Variants in SGCZ observed in about 807,000 individuals in gnomAD.
The protein encoded by SGCZ is zeta-sarcoglycan.
In SGCZ, 40 loss-of-function variants were observed where a neutral mutation model predicts 41.3. The ratio of observed to expected loss-of-function variants is 0.97; its 90% CI spans 0.75 to 1.26. The LOEUF (loss-of-function observed/expected upper bound fraction) is 1.26. Among genes scored for constraint, SGCZ ranks in the 50% most tolerant of loss-of-function variants. The pLI, the probability that SGCZ is intolerant of heterozygous loss-of-function variation, is 0.00. For synonymous variants in SGCZ, 206 were observed against 137.5 expected (o/e 1.50, Z -3.49); for missense variants, 552 against 369.8 (o/e 1.49, Z -4.04).
chr8:14,615,358 G>A (rs187928618), intron 1 of SGCZ, among the ~76,000 whole-genome samples: 2 of 152,298 alleles, frequency 1.3e-5, no homozygotes, highest in South Asian at 4.1e-4. Context: ...AGCCACTCAG[G>A]TGATTTCTCT....
intron 1 of SGCZ, among the ~76,000 whole-genome samples, chr8:14,754,254 T>C (rs1047069411): frequency 7.9e-5 from 12 of 152,312 alleles, no homozygotes; most frequent in Admixed American, 7.2e-4. Context: ...CATGTTCTAC[T>C]ATTTGAAACC....
chr8:14,525,306 G>A (rs576012762), intron 2 of SGCZ, among the ~76,000 whole-genome samples: 2 of 152,166 alleles, frequency 1.3e-5, no homozygotes, highest in East Asian at 3.9e-4. Flanking sequence ...CCTGCTCTTT[G>A]AGATAGATAT....
chr8:14,480,025 G>C (rs1039384626), intron 2 of SGCZ, among the ~76,000 whole-genome samples: 1 of 152,180 alleles, frequency 6.6e-6, no homozygotes, highest in South Asian at 2.1e-4. Context: ...GATTACGGGC[G>C]TGAGCCACGC....
At chr8:14,539,603 T>C (rs1311243287) in intron 2 of SGCZ, among the ~76,000 whole-genome samples, 1 of 151,942 alleles carries the variant, frequency 6.6e-6, no homozygotes, top group African/African-American at 2.4e-5. Flanking sequence ...ATAGGTAAAC[T>C]TGTGTCATGG....
intron 2 of SGCZ, among the ~76,000 whole-genome samples, chr8:14,410,245 A>C (rs1799322936): frequency 6.6e-6 from 1 of 152,076 alleles, no homozygotes; most frequent in Non-Finnish European, 1.5e-5. Flanking sequence ...TGCCTGTGGA[A>C]AACTGTCTTC....
At chr8:14,832,973 A>G (rs1445343209) in intron 1 of SGCZ, among the ~76,000 whole-genome samples, 1 of 152,090 alleles carries the variant, frequency 6.6e-6, no homozygotes, top group African/African-American at 2.4e-5. Context: ...ATTTCTATAT[A>G]TTTTTAATAG....
At chr8:14,251,170 G>A (rs778653876) in intron 3 of SGCZ, among the ~76,000 whole-genome samples, 9 of 152,078 alleles carry the variant, frequency 5.9e-5, no homozygotes, top group African/African-American at 1.9e-4. Context: ...AGAGGTTGTG[G>A]TGAGCAGAGA....
chr8:14,515,522 T>G (rs1802595226), intron 2 of SGCZ, among the ~76,000 whole-genome samples: 1 of 152,104 alleles, frequency 6.6e-6, no homozygotes, highest in Admixed American at 6.6e-5. Flanking sequence ...AGTACCTTAT[T>G]TCTTTCACAA....
At chr8:15,230,135 G>A (rs1199894465) in intron 1 of SGCZ, among the ~76,000 whole-genome samples, 4 of 150,880 alleles carry the variant, frequency 2.7e-5, no homozygotes, top group African/African-American at 4.9e-5. Flanking sequence ...ATCAACCAAC[G>A]GTAATTTGAC....
Position 15,012,164 on chromosome 8 carries a change from T to C in SGCZ, c.39+225421A>G, listed in dbSNP as rs763943731. ...TTTATTAATCCAACAGGTGAAGGTA[T>C]AAAATAAATATTTTATTGCTGGGCA... On this transcript the variant is annotated intron_variant, in intron 1 of 7. Coordinates refer to ENST00000382080, the MANE Select transcript of SGCZ (RefSeq NM_139167.4). 1.4e-4 allele frequency among the ~76,000 whole-genome samples: 22 copies of C among 152,220 alleles called. No individual in the cohort carries two copies. The Middle Eastern group carries it at 0.014, about 94-fold the overall frequency.
chr8:14,325,031 G>C (rs1160565003), intron 2 of SGCZ, among the ~76,000 whole-genome samples: 3 of 152,124 alleles, frequency 2.0e-5, no homozygotes, highest in African/African-American at 7.2e-5. Context: ...GCAATGGAGA[G>C]TACATTTTGG....
At chr8:15,003,380 G>C (rs894235750) in intron 1 of SGCZ, among the ~76,000 whole-genome samples, 1 of 152,056 alleles carries the variant, frequency 6.6e-6, no homozygotes, top group African/African-American at 2.4e-5. Context: ...CATTAGAATG[G>C]ACTAATACAG....
chr8:14,546,355 A>T (rs911341255), intron 2 of SGCZ, among the ~76,000 whole-genome samples: 2 of 152,078 alleles, frequency 1.3e-5, no homozygotes, highest in Admixed American at 1.3e-4. Context: ...GGCTTAAATC[A>T]CCTCCAGAGT....
chr8:14,256,280 G>A (rs945134984), intron 3 of SGCZ, among the ~76,000 whole-genome samples: 4 of 152,110 alleles, frequency 2.6e-5, no homozygotes, highest in African/African-American at 9.7e-5. Flanking sequence ...AGAGGTGCAT[G>A]TATGAGACAT....
At chr8:15,204,346 A>T (rs1490112443) in intron 1 of SGCZ, among the ~76,000 whole-genome samples, 4 of 152,214 alleles carry the variant, frequency 2.6e-5, no homozygotes, top group Admixed American at 6.5e-5. Context: ...AACCGTGTGT[A>T]GAAGGAAAGA....
chr8:15,215,691 T>G (rs1225128537), intron 1 of SGCZ, among the ~76,000 whole-genome samples: 1 of 152,170 alleles, frequency 6.6e-6, no homozygotes, highest in Non-Finnish European at 1.5e-5. Flanking sequence ...GAACTGAAAC[T>G]TTTGCTAAGG....
chr8:14,438,201 C>A (rs1392434878), intron 2 of SGCZ, among the ~76,000 whole-genome samples: 1 of 151,854 alleles, frequency 6.6e-6, no homozygotes, highest in African/African-American at 2.4e-5. Flanking sequence ...GAAGTTTATA[C>A]CTGCTTAATC....
intron 1 of SGCZ, among the ~76,000 whole-genome samples, chr8:15,138,128 G>T (rs539992861): frequency 3.9e-5 from 6 of 152,292 alleles, no homozygotes; most frequent in African/African-American, 1.2e-4. Flanking sequence ...GAACTTTAAG[G>T]TTTAACGAAT....
At chr8:15,154,523 G>A (rs1451917237) in intron 1 of SGCZ, among the ~76,000 whole-genome samples, 4 of 152,202 alleles carry the variant, frequency 2.6e-5, no homozygotes, top group African/African-American at 9.7e-5. Flanking sequence ...AGACAGCAGA[G>A]CAAATATGTT....
Sources: gnomAD v4.1 joint callset for allele counts (sites outside exome capture counted in the v4.1 genomes callset) on GRCh38, gnomAD v4.1.1 for gene constraint, MANE v1.5 for transcripts, NCBI Gene and HGNC (gene_info 2026-07-23, HGNC 2026-07-21) for gene names.